PDE4B: variants seen among roughly 807,000 people sequenced by gnomAD.
PDE4B encodes the protein phosphodiesterase 4B.
In PDE4B, 20 loss-of-function variants were observed where a neutral mutation model predicts 82.2. The ratio of observed to expected loss-of-function variants is 0.24; its 90% CI spans 0.17 to 0.35. PDE4B has a LOEUF of 0.35. Ranked by LOEUF, PDE4B falls within the 10% of genes least tolerant of loss-of-function variation. The pLI, the probability that PDE4B is intolerant of heterozygous loss-of-function variation, is 1.00. For missense variants in PDE4B, 655 were observed against 907.2 expected, an observed-to-expected ratio of 0.72 and a Z score of 3.57; for synonymous variants, 320 against 318.9, an observed-to-expected ratio of 1.00 and a Z score of -0.04.
intron 3 of PDE4B, among the ~76,000 whole-genome samples, chr1:66,137,922 G>A (rs1275441610): frequency 6.6e-6 from 1 of 152,010 alleles, no homozygotes; most frequent in Non-Finnish European, 1.5e-5. Flanking sequence ...TATGTATCAG[G>A]AACTATTCTA....
intron 3 of PDE4B, among the ~76,000 whole-genome samples, chr1:65,928,066 G>T (rs929156317): frequency 6.6e-6 from 1 of 152,112 alleles, no homozygotes; most frequent in Non-Finnish European, 1.5e-5. Context: ...CTTAAATGTC[G>T]ATCATTTCCC....
chr1:66,061,195 G>A (rs573557481), intron 3 of PDE4B, among the ~76,000 whole-genome samples: 7 of 150,222 alleles, frequency 4.7e-5, no homozygotes, highest in African/African-American at 1.2e-4. Context: ...TAATTTGAAT[G>A]GAAGGGAAGC....
chr1:66,338,567 C>T (rs1660699345), intron 8 of PDE4B, among the ~76,000 whole-genome samples: 1 of 152,244 alleles, frequency 6.6e-6, no homozygotes, highest in East Asian at 1.9e-4. Flanking sequence ...TAAACTAATC[C>T]ATTGCCTATT....
At chr1:66,181,528 A>G (rs1647063170) in intron 3 of PDE4B, among the ~76,000 whole-genome samples, 1 of 152,194 alleles carries the variant, frequency 6.6e-6, no homozygotes, top group African/African-American at 2.4e-5. Context: ...TTTCTTGGAC[A>G]ATAGACAATT....
intron 3 of PDE4B, among the ~76,000 whole-genome samples, chr1:66,161,496 A>G (rs922208717): frequency 3.3e-5 from 5 of 152,126 alleles, no homozygotes; most frequent in African/African-American, 9.7e-5. Flanking sequence ...CTTTTTCCAC[A>G]GGTGCTCTAA....
chr1:65,901,692 G>C (rs1317770204), intron 1 of PDE4B, among the ~76,000 whole-genome samples: 1 of 151,968 alleles, frequency 6.6e-6, no homozygotes, highest in Non-Finnish European at 1.5e-5. Flanking sequence ...GAGGTTGTGT[G>C]TTTCTTTGTT....
chr1:65,925,235 T>C (rs958346735), intron 3 of PDE4B, among the ~76,000 whole-genome samples: 16 of 152,194 alleles, frequency 1.1e-4, no homozygotes, highest in Admixed American at 7.2e-4. Context: ...CTGGGCTTAA[T>C]ACCTAGGTGA....
At chr1:65,877,177 C>T (rs1261103606) in intron 1 of PDE4B, among the ~76,000 whole-genome samples, 1 of 152,182 alleles carries the variant, frequency 6.6e-6, no homozygotes, top group Non-Finnish European at 1.5e-5. Flanking sequence ...GTAACCAAAA[C>T]AGCATGGTAC....
At chr1:66,270,576 C>T (rs984656961) in intron 7 of PDE4B, among the ~76,000 whole-genome samples, 3 of 152,194 alleles carry the variant, frequency 2.0e-5, no homozygotes, top group African/African-American at 7.2e-5. Flanking sequence ...TCTCTGAGAA[C>T]CACAGCAATA....
chr1:66,203,666 A>C (rs567756612), intron 3 of PDE4B, among the ~76,000 whole-genome samples: 1 of 151,970 alleles, frequency 6.6e-6, no homozygotes, highest in South Asian at 2.1e-4. Context: ...TGCATTCTTC[A>C]TGTAGTTCTC....
chr1:65,870,702 G>T (rs1477707799), intron 1 of PDE4B, among the ~76,000 whole-genome samples: 2 of 151,968 alleles, frequency 1.3e-5, no homozygotes, highest in Non-Finnish European at 2.9e-5. Flanking sequence ...TTTCCCATGT[G>T]CATTGGATCC....
rs146653354 is a variant in PDE4B at position 66,321,448 on chromosome 1, A to T, written c.635-11060A>T. Among the ~76,000 whole-genome samples the T allele has an allele frequency of 1.2e-4, 19 of 152,348 alleles. No individual in the cohort carries two copies. The East Asian group carries it at 3.5e-3, about 28-fold the overall frequency. ...GCTGTAATAAAGAAGTCATAATGCC[A>T]TCTTAGTCCATTCTTGCTTCTATAA... On this transcript the variant is annotated intron_variant, in intron 7 of 16. Transcript: ENST00000341517.
At chr1:66,154,388 G>A (rs1646461015) in intron 3 of PDE4B, among the ~76,000 whole-genome samples, 3 of 152,236 alleles carry the variant, frequency 2.0e-5, no homozygotes, top group Admixed American at 6.5e-5. Flanking sequence ...TTGATAGAAT[G>A]ACCCATGAGC....
At chr1:65,885,508 A>G (rs754907752) in intron 1 of PDE4B, among the ~76,000 whole-genome samples, 2 of 152,192 alleles carry the variant, frequency 1.3e-5, no homozygotes, top group Non-Finnish European at 2.9e-5. Context: ...TGGCACATAT[A>G]CACCATGGAA....
At chr1:65,952,948 A>G (rs192759532) in intron 3 of PDE4B, among the ~76,000 whole-genome samples, 52 of 152,256 alleles carry the variant, frequency 3.4e-4, no homozygotes, top group African/African-American at 1.2e-3. Context: ...TCATCATTTC[A>G]TAGCCCCCTA....
At chr1:66,285,200 G>A (rs940740123) in intron 7 of PDE4B, among the ~76,000 whole-genome samples, 3 of 152,030 alleles carry the variant, frequency 2.0e-5, no homozygotes, top group Non-Finnish European at 4.4e-5. Context: ...TCTTAAAAAG[G>A]TAAACGTAAA....
intron 3 of PDE4B, among the ~76,000 whole-genome samples, chr1:66,159,352 C>T (rs2485382): frequency 0.54 from 82,285 of 151,118 alleles, 24,603 homozygotes; most frequent in Non-Finnish European, 0.68. Context: ...AATTCTCATG[C>T]CTCAGCCTCC....
chr1:66,336,848 A>G (rs550143559), intron 8 of PDE4B, among the ~76,000 whole-genome samples: 14 of 152,296 alleles, frequency 9.2e-5, no homozygotes, highest in African/African-American at 3.4e-4. Context: ...ACAGTACTAA[A>G]CATGGAGCAC....
intron 7 of PDE4B, among the ~76,000 whole-genome samples, chr1:66,297,807 A>T (rs1419744237): frequency 6.6e-6 from 1 of 152,146 alleles, no homozygotes; most frequent in African/African-American, 2.4e-5. Context: ...GCCTGGTCTA[A>T]TGATTAGGAG....
Sources: allele counts gnomAD v4.1 joint callset (sites outside exome capture counted in the v4.1 genomes callset), GRCh38; gene constraint gnomAD v4.1.1; transcripts MANE v1.5; gene names NCBI Gene and HGNC (gene_info 2026-07-23, HGNC 2026-07-21).